ADARB2: variants seen among roughly 807,000 people sequenced by gnomAD.
ADARB2 encodes adenosine deaminase RNA specific B2 (inactive), also known as inactive double-stranded RNA-specific editase B2.
In ADARB2, 25 loss-of-function variants were observed where a neutral mutation model predicts 62.2. The ratio of observed to expected loss-of-function variants is 0.40; its 90% CI spans 0.29 to 0.56. The LOEUF is 0.56. Among genes scored for constraint, ADARB2 ranks in the 20% least tolerant of loss-of-function variants. The pLI, the probability that ADARB2 is intolerant of heterozygous loss-of-function variation, is 0.43. For missense variants in ADARB2, 1,071 were observed against 1,077.4 expected, an observed-to-expected ratio of 0.99 and a Z score of 0.08; for synonymous variants, 572 against 500.8, an observed-to-expected ratio of 1.14 and a Z score of -1.90.
chr10:1,512,743 G>A (rs1011570920), intron 1 of ADARB2, among the ~76,000 whole-genome samples: 8 of 152,244 alleles, frequency 5.3e-5, no homozygotes, highest in African/African-American at 1.9e-4. Context: ...CATTGGAAGA[G>A]TTGTTTGTCC....
Position 1,499,905 on chromosome 10 carries a change from A to G in ADARB2, c.101-120745T>C, listed in dbSNP as rs186256192. 9.2e-5 allele frequency among the ~76,000 whole-genome samples: 14 copies of G among 152,036 alleles called. No individual in the cohort carries two copies. In the East Asian group the frequency reaches 2.1e-3, roughly 23 times the overall value. The stretch of plus-strand genomic sequence containing the variant: ...CTCACTTATCTCTCATCACTCATTC[A>G]TTACTCATCACTCACTCAACACTCA... On this transcript the variant is annotated intron_variant, in intron 1 of 9. Coordinates refer to ENST00000381312, the MANE Select transcript of ADARB2 (RefSeq NM_018702.4).
At chr10:1,335,852 TAG>T (rs1206370680) in intron 3 of ADARB2, among the ~76,000 whole-genome samples, 1 of 152,288 alleles carries the variant, frequency 6.6e-6, no homozygotes, top group South Asian at 2.1e-4. Context: ...ACATGCAAAT[TAG>T]AGAGATGCCT....
intron 4 of ADARB2, among the ~76,000 whole-genome samples, chr10:1,259,766 T>C (rs1220513017): frequency 1.3e-5 from 2 of 152,074 alleles, no homozygotes; most frequent in Admixed American, 6.6e-5. Flanking sequence ...TTCCAATCAA[T>C]AGAAAAAGAG....
intron 1 of ADARB2, among the ~76,000 whole-genome samples, chr10:1,734,296 G>GTT (rs11338512): frequency 0.01 from 1,323 of 130,756 alleles, 11 homozygotes; most frequent in Middle Eastern, 0.035. Context: ...TGACGAAGGT[G>GTT]TTTTTTTTTT....
intron 1 of ADARB2, among the ~76,000 whole-genome samples, chr10:1,558,838 C>CCCCCGCATGCTCCATCTAAACTCGAA (rs1398757849): frequency 6.6e-6 from 1 of 152,224 alleles, no homozygotes; most frequent in South Asian, 2.1e-4. Flanking sequence ...GGGTGCTCAG[C>CCCCCGCATGCTCCATCTAAACTCGAA]TTGCCTTATT....
intron 1 of ADARB2, among the ~76,000 whole-genome samples, chr10:1,723,555 AAG>A (rs991353246): frequency 3.9e-5 from 6 of 152,132 alleles, no homozygotes; most frequent in African/African-American, 1.4e-4. Context: ...ACCTCCCCAT[AAG>A]AGAGTTATGA....
intron 4 of ADARB2, 33 bp from the exon 5 acceptor site, chr10:1,242,332 C>G: frequency 2.0e-6 from 3 of 1,511,360 alleles, no homozygotes; most frequent in Non-Finnish European, 2.7e-6. Flanking sequence ...AGCAGCGTGG[C>G]CCACGGCCCC....
intron 1 of ADARB2, among the ~76,000 whole-genome samples, chr10:1,560,551 C>G (rs895711825): frequency 1.7e-4 from 6 of 34,644 alleles, no homozygotes; most frequent in African/African-American, 3.8e-4. Context: ...CGGGGGGCAC[C>G]CTGGGTCGTC....
At chr10:1,538,593 C>T (rs1392651029) in intron 1 of ADARB2, among the ~76,000 whole-genome samples, 1 of 152,200 alleles carries the variant, frequency 6.6e-6, no homozygotes, top group Non-Finnish European at 1.5e-5. Flanking sequence ...GGCATGGAGG[C>T]CACAGGGCAC....
intron 3 of ADARB2, among the ~76,000 whole-genome samples, chr10:1,347,755 C>T (rs1383216040): frequency 6.6e-6 from 1 of 152,174 alleles, no homozygotes; most frequent in African/African-American, 2.4e-5. Flanking sequence ...CTCTGGACCC[C>T]ACGTACGCAG....
intron 1 of ADARB2, among the ~76,000 whole-genome samples, chr10:1,607,881 G>A (rs1833514305): frequency 6.6e-6 from 1 of 152,236 alleles, no homozygotes; most frequent in African/African-American, 2.4e-5. Flanking sequence ...TGGAAAAGTG[G>A]CTTCTAATAG....
intron 3 of ADARB2, among the ~76,000 whole-genome samples, chr10:1,277,561 T>C (rs1831329497): frequency 6.6e-6 from 1 of 152,126 alleles, no homozygotes; most frequent in African/African-American, 2.4e-5. Flanking sequence ...CAGGAAGAAG[T>C]GGAATCTCTG....
chr10:1,367,337 G>A (rs1832322610), intron 2 of ADARB2, among the ~76,000 whole-genome samples: 1 of 152,322 alleles, frequency 6.6e-6, no homozygotes, highest in African/African-American at 2.4e-5. Flanking sequence ...TTTTTGAATT[G>A]TGAGGTGGCT....
chr10:1,364,102 A>G (rs897909847), intron 2 of ADARB2, among the ~76,000 whole-genome samples, 185 bp from the exon 3 acceptor site: 3 of 152,188 alleles, frequency 2.0e-5, no homozygotes, highest in African/African-American at 7.2e-5. Context: ...CATGCGGGGA[A>G]GTAGCGTCCT....
intron 3 of ADARB2, among the ~76,000 whole-genome samples, chr10:1,273,566 C>G (rs2131800416): frequency 6.6e-6 from 1 of 152,342 alleles, no homozygotes; most frequent in Middle Eastern, 3.4e-3. Context: ...ATCTAAAGGT[C>G]AGGCCTGGCT....
At chr10:1,652,307 C>T (rs1049634363) in intron 1 of ADARB2, among the ~76,000 whole-genome samples, 7 of 152,172 alleles carry the variant, frequency 4.6e-5, no homozygotes, top group Non-Finnish European at 1.0e-4. Context: ...GTGCACCGGC[C>T]CTGCTAGGGA....
chr10:1,564,426 A>C (rs1435597663), intron 1 of ADARB2, among the ~76,000 whole-genome samples: 1 of 152,236 alleles, frequency 6.6e-6, no homozygotes, highest in African/African-American at 2.4e-5. Flanking sequence ...TAATTAAACT[A>C]AAGAGCTTCT....
chr10:1,680,960 T>C (rs552227464), intron 1 of ADARB2, among the ~76,000 whole-genome samples: 39 of 152,332 alleles, frequency 2.6e-4, no homozygotes, highest in Middle Eastern at 3.4e-3. Context: ...AACTCCGTAG[T>C]AGAACACAGT....
chr10:1,690,784 T>C (rs1328978081), intron 1 of ADARB2, among the ~76,000 whole-genome samples: 1 of 152,032 alleles, frequency 6.6e-6, no homozygotes, highest in African/African-American at 2.4e-5. Context: ...TGTCACCCCC[T>C]CCCCAGCCTG....
Sources: gnomAD v4.1 joint callset for allele counts (sites outside exome capture counted in the v4.1 genomes callset) on GRCh38, gnomAD v4.1.1 for gene constraint, MANE v1.5 for transcripts, NCBI Gene and HGNC (gene_info 2026-07-23, HGNC 2026-07-21) for gene names.